The following SELE variants were observed in gnomAD, a reference collection of about 807,000 sequenced individuals.
The protein encoded by SELE is E-selectin.
SELE carries 52 observed loss-of-function variants against 75.8 expected under a neutral mutation model. That is an observed-to-expected ratio of 0.69 (90% CI 0.55 to 0.86). SELE has a LOEUF of 0.86. SELE is among the 40% of genes least tolerant of loss of function. The pLI, the probability that SELE is intolerant of heterozygous loss-of-function variation, is 0.00. For synonymous variants in SELE, 285 were observed against 258.7 expected (o/e 1.10, Z -0.98); for missense variants, 754 against 732.7 (o/e 1.03, Z -0.34).
chr1:169,725,661 T>C, intron 13 of SELE, 68 bp downstream of exon 13: 1 of 1,358,182 alleles, frequency 7.4e-7, no homozygotes, highest in Non-Finnish European at 1.0e-6. Flanking sequence ...GTTTGGAGGG[T>C]TCAAGGAGAA....
In SELE at chr1:169,730,461, T is replaced by C. The variant is rs1648884673; in HGVS notation, c.686A>G (p.Glu229Gly). ...GCAGGCTGGAATAGGAGCACTCCAT[T>C]CTCCAGAGGACATACACTGCATGGT... ...METMQCMSSG[E>G]WSAPIPACNV... Residue 229 changes from glutamate (E) to glycine (G), a missense_variant, in exon 5 of 14, where the codon GAA (glutamate) becomes GGA (glycine). Physicochemically the swap from Glu to Gly is moderately conservative, Grantham distance 98. Transcript: ENST00000333360. 4 of 1,612,772 alleles carry C rather than the reference T, an allele frequency of 2.5e-6. No individual in the cohort carries two copies. In the South Asian group the frequency reaches 4.4e-5, roughly 18 times the overall value.
intron 2 of SELE, among the ~76,000 whole-genome samples, chr1:169,733,323 G>C (rs1286502556): frequency 6.6e-6 from 1 of 152,114 alleles, no homozygotes; most frequent in African/African-American, 2.4e-5. Flanking sequence ...TACTTTCCAT[G>C]AACCATGCTA....
Position 169,732,648 on chromosome 1 carries a change from A to T in SELE, c.388T>A (p.Cys130Ser), listed in dbSNP as rs1368226908. 1.2e-6 allele frequency: 2 copies of T among 1,608,918 alleles called. No individual in the cohort carries two copies. The highest frequency in any genetic ancestry group is 2.2e-5 in the East Asian group (1 of 44,838). The change falls in exon 3 of 14, where the codon TGC (cysteine) becomes AGC (serine). Residue 130 changes from cysteine (C) to serine (S), a missense_variant. Physicochemically the swap from Cys to Ser is moderately radical, Grantham distance 112. Coordinates refer to ENST00000333360, the MANE Select transcript of SELE (RefSeq NM_000450.2). ...CATAGGGCAAGCTTCTTCTTGCTGCACCTCTCATCATTCCACATGCCCACA... is the reference window on the plus strand; with the variant it reads ...CATAGGGCAAGCTTCTTCTTGCTGCTCCTCTCATCATTCCACATGCCCACA... ...KDVGMWNDER[C>S]SKKKLALCYT...
chr1:169,731,694 T>G, intron 4 of SELE, 141 bp downstream of exon 4: 1 of 590,962 alleles, frequency 1.7e-6, no homozygotes, highest in Non-Finnish European at 3.1e-6. Context: ...AGGGTCTGAC[T>G]TCATAGTCTC....
chr1:169,724,689 A>C (rs1183506894), intron 13 of SELE, among the ~76,000 whole-genome samples, 180 bp from the exon 14 acceptor site: 1 of 152,242 alleles, frequency 6.6e-6, no homozygotes, highest in Non-Finnish European at 1.5e-5. Context: ...AAACCTACAG[A>C]ATATACAACA....
At chr1:169,727,208 C>T in intron 10 of SELE, 141 bp downstream of exon 10, 2 of 818,174 alleles carry the variant, frequency 2.4e-6, no homozygotes, top group Admixed American at 3.1e-5. Context: ...TTTCTCTATC[C>T]CCATACAACT....
chr1:169,725,513 T>C (rs1442649179), intron 13 of SELE, among the ~76,000 whole-genome samples: 1 of 152,212 alleles, frequency 6.6e-6, no homozygotes, highest in Non-Finnish European at 1.5e-5. Context: ...TCTTCATTAT[T>C]ATTATCTATC....
At chr1:169,727,305 T>A (rs1648798351) in intron 10 of SELE, 44 bp downstream of exon 10, 1 of 1,575,116 alleles carries the variant, frequency 6.3e-7, no homozygotes, top group Non-Finnish European at 8.6e-7. Context: ...GCTCCCCCTT[T>A]TTCTTTTTAA....
chr1:169,725,310 G>A, intron 13 of SELE, among the ~76,000 whole-genome samples: 1 of 151,878 alleles, frequency 6.6e-6, no homozygotes, highest in Non-Finnish European at 1.5e-5. Context: ...TTGAACGCAG[G>A]AGGTGGAGGT....
chr1:169,731,800 T>A, intron 4 of SELE, 35 bp downstream of exon 4: 1 of 1,432,558 alleles, frequency 7.0e-7, no homozygotes, highest in Non-Finnish European at 9.8e-7. Flanking sequence ...GGTGCTACCA[T>A]CTCAAGTGAA....
intron 11 of SELE, among the ~76,000 whole-genome samples, chr1:169,726,372 C>T (rs1413891991): frequency 6.6e-6 from 1 of 152,184 alleles, no homozygotes; most frequent in Admixed American, 6.5e-5. Flanking sequence ...CCAAATAAAT[C>T]TCCTTAGGAA....
At position 169,727,372 on chromosome 1, in the gene SELE, G is replaced by T. The variant is rs376333389; in HGVS notation, c.1622C>A (p.Ser541Tyr). The T allele has an allele frequency of 2.5e-6, 4 of 1,613,820 alleles. No individual in the cohort carries two copies. The African/African-American group carries it at 4.0e-5, about 16-fold the overall frequency. The change falls in exon 10 of 14, where the codon TCT becomes TAT. Residue 541 changes from serine (S) to tyrosine (Y), a missense_variant. Ser to Tyr is a moderately radical substitution (Grantham distance 144). Coordinates refer to ENST00000333360, the MANE Select transcript of SELE (RefSeq NM_000450.2). ...ARTCGATGHW[S>Y]GLLPTCEAPT... Reference sequence around the variant, plus strand: ...ACCTTCACAGGTAGGTAGCAGGCCAGACCAGTGTCCTGTGGCTCCACATGT... The same window carrying T: ...ACCTTCACAGGTAGGTAGCAGGCCATACCAGTGTCCTGTGGCTCCACATGT...
At position 169,725,749 on chromosome 1, in the gene SELE, G is replaced by A; in HGVS notation, c.1828C>T (p.Leu610Phe). Residue 610 changes from leucine to phenylalanine, a missense_variant, in exon 13 of 14, where the codon CTT (leucine) becomes TTT (phenylalanine). Transcript: ENST00000333360. ...CTTACCTGATTCTTTTGAACTTAAA[G>A]GATGTAAGAAGGCTTTTGGTAGCTT... ...DGSYQKPSYI[L>F] 6.2e-7 allele frequency: 1 copy of A among 1,613,896 alleles called. No homozygotes were observed. Among genetic ancestry groups the A allele is most frequent in the Non-Finnish European group, 8.5e-7 (1 of 1,179,830 alleles).
At chr1:169,732,389 CACAT>C (rs1648933346) in intron 3 of SELE, among the ~76,000 whole-genome samples, 1 of 148,754 alleles carries the variant, frequency 6.7e-6, no homozygotes, top group African/African-American at 2.5e-5. Context: ...TATACACACA[CACAT>C]ATATGTGTGT....
At position 169,731,897 on chromosome 1, in the gene SELE, T is replaced by C; in HGVS notation, c.467A>G (p.Glu156Gly). Residue 156 changes from glutamate to glycine, a missense_variant, in exon 4 of 14, where the codon GAG (glutamate) becomes GGG (glycine). Glu to Gly is a moderately conservative substitution (Grantham distance 98). Transcript: ENST00000333360. ...TSCSGHGECV[E>G]TINNYTCKCD... ...CTTGCAAGTGTAATTATTGATGGTC[T>C]CTACACATTCACCGTGGCCACTGCA... The C allele has an allele frequency of 6.2e-7, 1 of 1,613,914 alleles. No homozygotes were observed. Among genetic ancestry groups the C allele is most frequent in the Non-Finnish European group, 8.5e-7 (1 of 1,179,814 alleles).
Position 169,733,481 on chromosome 1 carries a change from C to T in SELE, c.37+95G>A, listed in dbSNP as rs1053286357. 34 of 1,242,638 alleles carry T rather than the reference C, an allele frequency of 2.7e-5. 1 individual carries two copies. The Admixed American group carries it at 5.4e-4, about 20-fold the overall frequency. 77.0% of individuals were successfully genotyped at this position (1,242,638 alleles called of 1,614,324 possible). ...AGAGGTCAAGGATGCTGCCAGATAT[C>T]CTGTGCAGGACAGCCCCAGACAAGC... On this transcript the variant is annotated intron_variant, in intron 2 of 13. Transcript: ENST00000333360.
At chr1:169,726,452 T>C (rs538587680) in intron 11 of SELE, among the ~76,000 whole-genome samples, 4 of 152,210 alleles carry the variant, frequency 2.6e-5, no homozygotes, top group Non-Finnish European at 5.9e-5. Flanking sequence ...AGGCATCATA[T>C]AATTCAACAT....
Position 169,726,773 on chromosome 1 carries a change from C to T in SELE, c.1679G>A (p.Gly560Glu). ...PTESNIPLVA[G>E]LSAAGLSLLT... ...GAGGGAGAGTCCAGCAGCAGAAAGT[C>T]CAGCTACCAAGGGAATGTTGGACTC... The change falls in exon 11 of 14, where the codon GGA (glycine) becomes GAA (glutamate). Residue 560 changes from glycine (G) to glutamate (E), a missense_variant. Gly to Glu is a moderately conservative substitution (Grantham distance 98). Coordinates refer to ENST00000333360, the MANE Select transcript of SELE (RefSeq NM_000450.2). 1 of 1,613,660 alleles carries T rather than the reference C, an allele frequency of 6.2e-7. No individual in the cohort carries two copies. The highest frequency in any genetic ancestry group is 8.5e-7 in the Non-Finnish European group (1 of 1,179,802).
chr1:169,726,561 A>T, intron 11 of SELE, 138 bp downstream of exon 11: 1 of 689,998 alleles, frequency 1.4e-6, no homozygotes. Context: ...CTCTTTTCTT[A>T]ATACTTCTGC....
Sources: gnomAD v4.1 joint callset for allele counts (sites outside exome capture counted in the v4.1 genomes callset) on GRCh38, gnomAD v4.1.1 for gene constraint, MANE v1.5 for transcripts, NCBI Gene and HGNC (gene_info 2026-07-23, HGNC 2026-07-21) for gene names.